MYO3A: variants seen among roughly 807,000 people sequenced by gnomAD.
MYO3A encodes the protein myosin IIIA.
Under a neutral mutation model 192.7 loss-of-function variants are expected in MYO3A, and 180 were observed. The ratio of observed to expected loss-of-function variants is 0.93; its 90% CI spans 0.83 to 1.06. The LOEUF (loss-of-function observed/expected upper bound fraction) is 1.06. Ranked by LOEUF, MYO3A falls within the 50% of genes least tolerant of loss-of-function variation. MYO3A has a pLI of 0.00. For missense variants in MYO3A, 1,896 were observed against 1,905.0 expected, an observed-to-expected ratio of 1.00 and a Z score of 0.09; for synonymous variants, 628 against 645.3, an observed-to-expected ratio of 0.97 and a Z score of 0.41.
intron 20 of MYO3A, 94 bp downstream of exon 20, chr10:26,128,632 C>T: frequency 1.6e-6 from 2 of 1,282,334 alleles, no homozygotes; most frequent in Non-Finnish European, 2.2e-6. Context: ...AGATTTAATG[C>T]CTTAAACATT....
intron 6 of MYO3A, among the ~76,000 whole-genome samples, chr10:26,012,721 A>G (rs1244223046): frequency 6.6e-6 from 1 of 152,192 alleles, no homozygotes; most frequent in Non-Finnish European, 1.5e-5. Flanking sequence ...ATTATTTTTC[A>G]CAGAATTAGA....
chr10:26,124,789 G>A (rs979801065), intron 18 of MYO3A, among the ~76,000 whole-genome samples: 1 of 152,128 alleles, frequency 6.6e-6, no homozygotes, highest in African/African-American at 2.4e-5. Flanking sequence ...AACATTAAAT[G>A]CCAAATAAAT....
At chr10:26,152,369 G>C (rs996229217) in intron 23 of MYO3A, among the ~76,000 whole-genome samples, 1 of 152,172 alleles carries the variant, frequency 6.6e-6, no homozygotes, top group South Asian at 2.1e-4. Flanking sequence ...AGACATTAAG[G>C]CTTGAAAGTG....
chr10:25,999,800 G>A (rs1423593208), intron 6 of MYO3A, among the ~76,000 whole-genome samples: 9 of 152,068 alleles, frequency 5.9e-5, no homozygotes, highest in Admixed American at 3.3e-4. Flanking sequence ...TTAGAAAGTC[G>A]CCCACATCTA....
At chr10:26,047,095 T>C (rs535188145) in intron 10 of MYO3A, among the ~76,000 whole-genome samples, 1 of 152,340 alleles carries the variant, frequency 6.6e-6, no homozygotes, top group East Asian at 1.9e-4. Context: ...AATTGTTTAC[T>C]TGTTTCAAAA....
chr10:26,093,016 T>A (rs1246327858), intron 15 of MYO3A, among the ~76,000 whole-genome samples: 1 of 152,190 alleles, frequency 6.6e-6, no homozygotes, highest in Non-Finnish European at 1.5e-5. Flanking sequence ...AAATGTAAAC[T>A]GATGAAGAGA....
At chr10:25,989,146 G>C (rs905986276) in intron 4 of MYO3A, among the ~76,000 whole-genome samples, 1 of 151,226 alleles carries the variant, frequency 6.6e-6, no homozygotes, top group Admixed American at 6.6e-5. Flanking sequence ...GGGTCTTACT[G>C]TGTTACCCAG....
chr10:25,948,811 T>C (rs895083314), intron 2 of MYO3A, among the ~76,000 whole-genome samples: 1 of 152,166 alleles, frequency 6.6e-6, no homozygotes, highest in Non-Finnish European at 1.5e-5. Flanking sequence ...TCATTTTACC[T>C]ATGTGTTGGG....
rs746991326 is a variant in MYO3A at position 26,203,034 on chromosome 10, G to C, written c.4657G>C (p.Glu1553Gln). Residue 1553 changes from glutamate to glutamine, a missense_variant, in exon 34 of 35, where the codon GAA becomes CAA. Transcript: ENST00000642920. ...TTTGCCCAGTCGTTCTGGACCAAAGGAACATAGCCCTAGTTTAAGAGAACG... is the reference window on the plus strand; with the variant it reads ...TTTGCCCAGTCGTTCTGGACCAAAGCAACATAGCCCTAGTTTAAGAGAACG... The part of the protein sequence containing the change: ...EFLPSRSGPK[E>Q]HSPSLRERRP... 1.5e-5 allele frequency: 24 copies of C among 1,613,618 alleles called. No individual in the cohort carries two copies. The African/African-American group carries it at 2.5e-4, about 17-fold the overall frequency.
At chr10:26,050,312 A>G (rs1843913854) in intron 10 of MYO3A, among the ~76,000 whole-genome samples, 1 of 152,200 alleles carries the variant, frequency 6.6e-6, no homozygotes, top group Non-Finnish European at 1.5e-5. Context: ...AAACAATCAT[A>G]CACTCACCAG....
intron 4 of MYO3A, among the ~76,000 whole-genome samples, chr10:25,978,622 T>G (rs2130780557): frequency 6.6e-6 from 1 of 152,270 alleles, no homozygotes; most frequent in South Asian, 2.1e-4. Flanking sequence ...CCACCTAAAA[T>G]TGTACTTTAT....
intron 10 of MYO3A, among the ~76,000 whole-genome samples, chr10:26,029,740 A>G (rs1842724252): frequency 6.6e-6 from 1 of 152,182 alleles, no homozygotes; most frequent in Admixed American, 6.5e-5. Context: ...ACTTTTTAAC[A>G]GTAACTCTCA....
chr10:25,936,426 A>C (rs1836068086), intron 2 of MYO3A, among the ~76,000 whole-genome samples: 1 of 152,142 alleles, frequency 6.6e-6, no homozygotes, highest in Admixed American at 6.6e-5. Context: ...TAATTTTTGC[A>C]GTGTTATTTC....
At chr10:25,968,398 A>C (rs7902041) in intron 4 of MYO3A, among the ~76,000 whole-genome samples, 4,824 of 152,336 alleles carry the variant, frequency 0.032, 241 homozygotes, top group African/African-American at 0.11. Flanking sequence ...ACTATAAAAA[A>C]TGTCAAAGAA....
intron 4 of MYO3A, among the ~76,000 whole-genome samples, chr10:25,971,968 A>T (rs544448621): frequency 2.5e-4 from 38 of 152,192 alleles, no homozygotes; most frequent in African/African-American, 7.9e-4. Context: ...TCAGCCTCCC[A>T]AGTAGCTGGG....
intron 20 of MYO3A, among the ~76,000 whole-genome samples, chr10:26,128,901 T>C (rs1400650708): frequency 6.6e-6 from 1 of 152,224 alleles, no homozygotes; most frequent in East Asian, 1.9e-4. Context: ...GAAATTTCAA[T>C]ATCCAGCTAA....
At chr10:25,987,647 C>T (rs2130835488) in intron 4 of MYO3A, among the ~76,000 whole-genome samples, 1 of 152,152 alleles carries the variant, frequency 6.6e-6, no homozygotes, top group South Asian at 2.1e-4. Context: ...AAATCAAAAC[C>T]ACAATGTGAA....
At chr10:26,196,976 A>G (rs1843439951) in intron 32 of MYO3A, among the ~76,000 whole-genome samples, 1 of 152,234 alleles carries the variant, frequency 6.6e-6, no homozygotes, top group Non-Finnish European at 1.5e-5. Context: ...TTTGAAATAT[A>G]CAATAGAGTA....
intron 23 of MYO3A, among the ~76,000 whole-genome samples, chr10:26,150,025 T>C (rs1840705016): frequency 9.1e-6 from 1 of 110,180 alleles, no homozygotes; most frequent in African/African-American, 3.1e-5. Flanking sequence ...TGTTGAATAG[T>C]ATTCGTGTGT....
Sources: gnomAD v4.1 joint callset for allele counts (sites outside exome capture counted in the v4.1 genomes callset) on GRCh38, gnomAD v4.1.1 for gene constraint, MANE v1.5 for transcripts, NCBI Gene and HGNC (gene_info 2026-07-23, HGNC 2026-07-21) for gene names.